KIF21A: variants seen among roughly 807,000 people sequenced by gnomAD.
KIF21A encodes the protein kinesin family member 21A, also known as kinesin-like protein KIF21A.
A neutral mutation model predicts 202.9 loss-of-function variants in KIF21A; 114 were observed. The ratio of observed to expected loss-of-function variants is 0.56; its 90% CI spans 0.48 to 0.66. The LOEUF (loss-of-function observed/expected upper bound fraction) is 0.66. KIF21A is among the 30% of genes least tolerant of loss of function. The pLI, the probability that KIF21A is intolerant of heterozygous loss-of-function variation, is 0.00. For missense variants in KIF21A, 1,677 were observed against 1,994.9 expected (o/e 0.84, Z 3.04); for synonymous variants, 667 against 670.8 (o/e 0.99, Z 0.09).
At chr12:39,387,047 A>C (rs1280150181) in intron 1 of KIF21A, among the ~76,000 whole-genome samples, 8 of 151,936 alleles carry the variant, frequency 5.3e-5, no homozygotes, top group African/African-American at 1.9e-4. Flanking sequence ...TTAAATCCAG[A>C]ATTTTTAGCT....
rs1307979882 is a variant in KIF21A at position 39,332,724 on chromosome 12, C to A, written c.2723G>T (p.Gly908Val). The stretch of plus-strand genomic sequence containing the variant: ...GGAAATAAACACTCGGCCAGTCAAT[C>A]CTTTCCTCTGATATTTTTTCCTATA... ...NGNRKKYQRKGLTGRVFISKT... is the reference protein window; with the variant it reads ...NGNRKKYQRKVLTGRVFISKT... The change falls in exon 20 of 38, where the codon GGA becomes GTA. Residue 908 changes from glycine to valine, a missense_variant. Physicochemically the swap from Gly to Val is moderately radical, Grantham distance 109. Coordinates refer to ENST00000361418, the MANE Select transcript of KIF21A (RefSeq NM_001173464.2). 1.2e-6 allele frequency: 2 copies of A among 1,614,096 alleles called. No homozygotes were observed. Among genetic ancestry groups the A allele is most frequent in the Non-Finnish European group, 1.7e-6 (2 of 1,180,004 alleles).
At chr12:39,361,587 T>TCTCCGCCCACTGCAAG (rs1555175435) in intron 7 of KIF21A, among the ~76,000 whole-genome samples, 1 of 114,968 alleles carries the variant, frequency 8.7e-6, no homozygotes, top group African/African-American at 4.0e-5. Flanking sequence ...AGTGGCACGA[T>TCTCCGCCCACTGCAAG]CTCCGCCTCC....
intron 20 of KIF21A, 41 bp from the exon 21 acceptor site, chr12:39,332,449 C>G: frequency 3.1e-6 from 5 of 1,599,072 alleles, no homozygotes; most frequent in Non-Finnish European, 4.3e-6. Context: ...ATTATGTTCA[C>G]TTATTTATAT....
In KIF21A at chr12:39,384,431, C is replaced by A. The variant is rs548443583; in HGVS notation, c.45-14170G>T. ...CATGGGCTCAGACAAGAAAGCTCGA[C>A]AGAAGCTGAAACTTGTAGACCCGAT... On this transcript the variant is annotated intron_variant, in intron 1 of 37. Coordinates refer to ENST00000361418, the MANE Select transcript of KIF21A (RefSeq NM_001173464.2). 2.6e-5 allele frequency among the ~76,000 whole-genome samples: 4 copies of A among 152,256 alleles called. 1 individual carries two copies. The South Asian group carries it at 8.3e-4, about 32-fold the overall frequency.
chr12:39,435,402 G>A (rs1474171808), intron 1 of KIF21A, among the ~76,000 whole-genome samples: 1 of 152,138 alleles, frequency 6.6e-6, no homozygotes, highest in Non-Finnish European at 1.5e-5. Context: ...ATATATGGCA[G>A]GTCTAAGACC....
At chr12:39,411,776 A>G (rs142296997) in intron 1 of KIF21A, among the ~76,000 whole-genome samples, 40 of 152,124 alleles carry the variant, frequency 2.6e-4, no homozygotes, top group Non-Finnish European at 4.0e-4. Flanking sequence ...GCCTCAAGTA[A>G]TCCTCCCTCT....
chr12:39,366,295 C>CA (rs1949598783), intron 6 of KIF21A, 55 bp downstream of exon 6: 1 of 1,488,480 alleles, frequency 6.7e-7, no homozygotes, highest in South Asian at 1.1e-5. Flanking sequence ...TTACAAAAGA[C>CA]AAAAGGACAA....
At chr12:39,323,748 A>T (rs1175266360) in intron 26 of KIF21A, among the ~76,000 whole-genome samples, 1 of 152,188 alleles carries the variant, frequency 6.6e-6, no homozygotes, top group Admixed American at 6.5e-5. Context: ...AGCTCTTAAC[A>T]CACTGCTGGT....
chr12:39,398,949 A>G (rs1389118043), intron 1 of KIF21A, among the ~76,000 whole-genome samples: 1 of 152,056 alleles, frequency 6.6e-6, no homozygotes, highest in South Asian at 2.1e-4. Context: ...AATGTCTGAG[A>G]GCGGTGACTC....
intron 8 of KIF21A, among the ~76,000 whole-genome samples, 155 bp from the exon 9 acceptor site, chr12:39,357,592 C>G (rs1565942376): frequency 6.6e-6 from 1 of 152,010 alleles, no homozygotes; most frequent in Non-Finnish European, 1.5e-5. Flanking sequence ...TCTAGTAGAA[C>G]ACTCCACAAT....
intron 24 of KIF21A, among the ~76,000 whole-genome samples, chr12:39,328,834 T>C (rs1015739951): frequency 6.6e-6 from 1 of 152,234 alleles, no homozygotes; most frequent in African/African-American, 2.4e-5. Context: ...TTCTTCACTA[T>C]GTTTTAGCTT....
At chr12:39,384,816 C>T (rs1194822291) in intron 1 of KIF21A, among the ~76,000 whole-genome samples, 2 of 152,080 alleles carry the variant, frequency 1.3e-5, no homozygotes, top group Non-Finnish European at 2.9e-5. Flanking sequence ...GGGTCCTCAC[C>T]CAAGCTCATT....
chr12:39,315,260 A>T lies in KIF21A; in HGVS notation c.3948-20T>A. The T allele has an allele frequency of 3.7e-6, 6 of 1,611,284 alleles. No individual in the cohort carries two copies. Among genetic ancestry groups the T allele is most frequent in the Non-Finnish European group, 5.1e-6 (6 of 1,177,928 alleles). ...GAGGATCTGCTGATGATCAGCAAAA[A>T]TGGCCATAAAACAAGGAAAACAAGT... On this transcript the variant is annotated intron_variant, in intron 30 of 37. Coordinates refer to ENST00000361418, the MANE Select transcript of KIF21A (RefSeq NM_001173464.2).
chr12:39,398,991 A>G (rs954008019), intron 1 of KIF21A, among the ~76,000 whole-genome samples: 2 of 152,196 alleles, frequency 1.3e-5, no homozygotes, highest in African/African-American at 4.8e-5. Flanking sequence ...TGGGAGGCTG[A>G]GGCAGGAGAA....
intron 14 of KIF21A, 51 bp from the exon 15 acceptor site, chr12:39,341,145 G>T (rs1565863806): frequency 6.0e-6 from 8 of 1,332,972 alleles, no homozygotes; most frequent in Non-Finnish European, 7.4e-6. Context: ...CAAAATATCA[G>T]AATTCTAGCT....
chr12:39,435,061 C>T (rs1938492494), intron 1 of KIF21A, among the ~76,000 whole-genome samples: 1 of 152,192 alleles, frequency 6.6e-6, no homozygotes, highest in African/African-American at 2.4e-5. Flanking sequence ...TTACTACACA[C>T]TAAGATACCC....
chr12:39,341,367 C>A (rs1338069781), intron 14 of KIF21A, 138 bp downstream of exon 14: 1 of 797,042 alleles, frequency 1.3e-6, no homozygotes, highest in Middle Eastern at 2.5e-4. Context: ...AGCACATAAG[C>A]CTTGGAAGGC....
chr12:39,339,235 CAAAA>C (rs35065621), intron 16 of KIF21A, among the ~76,000 whole-genome samples: 2 of 130,554 alleles, frequency 1.5e-5, no homozygotes, highest in Non-Finnish European at 3.3e-5. Context: ...GACTCCCTCT[CAAAA>C]AAAAAAAAAA....
At chr12:39,400,811 A>G (rs1187007388) in intron 1 of KIF21A, among the ~76,000 whole-genome samples, 4 of 152,220 alleles carry the variant, frequency 2.6e-5, no homozygotes, top group Non-Finnish European at 5.9e-5. Context: ...AACAAAAAAG[A>G]GACATGTACT....
Sources: allele counts gnomAD v4.1 joint callset (sites outside exome capture counted in the v4.1 genomes callset), GRCh38; gene constraint gnomAD v4.1.1; transcripts MANE v1.5; gene names NCBI Gene and HGNC (gene_info 2026-07-23, HGNC 2026-07-21).